Variants in GNG4 observed in about 807,000 individuals in gnomAD.
GNG4 encodes the protein guanine nucleotide-binding protein G(I)/G(S)/G(O) subunit gamma-4.
A neutral mutation model predicts 5.8 loss-of-function variants in GNG4; 4 were observed. That is an observed-to-expected ratio of 0.69 (90% confidence interval 0.34 to 1.57). The LOEUF is 1.57. Ranked by LOEUF, GNG4 falls within the 40% of genes most tolerant of loss-of-function variation. The pLI is 0.06. For missense variants in GNG4, 96 were observed against 95.1 expected (o/e 1.01, Z -0.04); for synonymous variants, 29 against 32.9 (o/e 0.88, Z 0.41).
chr1:235,603,764 C>A (rs1299216694), intron 1 of GNG4, among the ~76,000 whole-genome samples: 1 of 152,204 alleles, frequency 6.6e-6, no homozygotes, highest in East Asian at 1.9e-4. Flanking sequence ...ACTTGAGAGA[C>A]AACCACAGTT....
chr1:235,594,145 G>T (rs1688065359), intron 2 of GNG4, among the ~76,000 whole-genome samples: 1 of 152,142 alleles, frequency 6.6e-6, no homozygotes. Flanking sequence ...TAGATACAGA[G>T]TGTCCACACA....
At position 235,609,212 on chromosome 1, in the gene GNG4, T is replaced by C. The variant is rs548496358; in HGVS notation, c.-122-13701A>G. On this transcript the variant is annotated intron_variant, in intron 1 of 3. Transcript: ENST00000391854. ...TCAGTATTTCATTCCCTTTTATGGC[T>C]GAAGAGTATTCCATGATGCAGGTGC... 7.9e-5 allele frequency among the ~76,000 whole-genome samples: 12 copies of C among 152,310 alleles called. No homozygotes were observed. In the South Asian group the frequency reaches 2.5e-3, roughly 32 times the overall value.
intron 3 of GNG4, among the ~76,000 whole-genome samples, chr1:235,577,664 C>T (rs1687520924): frequency 9.3e-6 from 1 of 108,056 alleles, no homozygotes; most frequent in Non-Finnish European, 1.9e-5. Flanking sequence ...TGGTCTCAAA[C>T]TCCTGAACTC....
intron 2 of GNG4, among the ~76,000 whole-genome samples, chr1:235,590,529 T>C (rs1329046491): frequency 6.6e-6 from 1 of 152,078 alleles, no homozygotes; most frequent in Non-Finnish European, 1.5e-5. Flanking sequence ...GAGATTCTAA[T>C]GTAAGGATGA....
intron 3 of GNG4, among the ~76,000 whole-genome samples, chr1:235,583,102 T>A (rs1687677733): frequency 6.6e-6 from 1 of 152,060 alleles, no homozygotes; most frequent in Non-Finnish European, 1.5e-5. Context: ...AGAGTTGGGG[T>A]TCCTTTCAAC....
chr1:235,622,363 T>G (rs1688727578), intron 1 of GNG4, among the ~76,000 whole-genome samples: 2 of 152,188 alleles, frequency 1.3e-5, no homozygotes, highest in African/African-American at 4.8e-5. Flanking sequence ...TTACTTTGGT[T>G]CTGTCCTAAG....
At chr1:235,575,176 TAC>T (rs1360274759) in intron 3 of GNG4, among the ~76,000 whole-genome samples, 1 of 152,160 alleles carries the variant, frequency 6.6e-6, no homozygotes, top group Non-Finnish European at 1.5e-5. Flanking sequence ...GCACTCTAAA[TAC>T]AGAGGGTCCC....
rs568378711 is a variant in GNG4, at chr1:235,582,494, C to T, written c.99+1246G>A. 2.0e-5 allele frequency among the ~76,000 whole-genome samples: 3 copies of T among 152,336 alleles called. No individual in the cohort carries two copies. The South Asian group carries it at 6.2e-4, about 32-fold the overall frequency. On this transcript the variant is annotated intron_variant, in intron 3 of 3. Coordinates refer to ENST00000391854, the MANE Select transcript of GNG4 (RefSeq NM_001098722.2). ...TCGCCTTCACATTTCTCTCCCAGGA[C>T]CCTTCAAGTATAGATTAGGTGCTCA...
chr1:235,553,572 C>T (rs1408395313), intron 3 of GNG4, among the ~76,000 whole-genome samples: 1 of 152,192 alleles, frequency 6.6e-6, no homozygotes, highest in Non-Finnish European at 1.5e-5. Context: ...CAGCATTTTA[C>T]AGAGATTCTT....
chr1:235,645,168 C>T, intron 1 of GNG4, among the ~76,000 whole-genome samples: 1 of 152,160 alleles, frequency 6.6e-6, no homozygotes, highest in East Asian at 1.9e-4. Flanking sequence ...GGGGCATGAC[C>T]ACCCCATCTG....
intron 3 of GNG4, among the ~76,000 whole-genome samples, chr1:235,570,896 A>ATG (rs201379503): frequency 4.7e-5 from 6 of 127,708 alleles, no homozygotes; most frequent in African/African-American, 9.3e-5. Flanking sequence ...GTATGTATAT[A>ATG]TGTGTGTGTG....
At chr1:235,571,466 T>C (rs1406912550) in intron 3 of GNG4, among the ~76,000 whole-genome samples, 5 of 152,218 alleles carry the variant, frequency 3.3e-5, no homozygotes, top group Non-Finnish European at 7.3e-5. Flanking sequence ...ACAACGCGTA[T>C]TAAGCACTCA....
intron 3 of GNG4, among the ~76,000 whole-genome samples, chr1:235,579,341 T>C (rs1165829091): frequency 6.6e-6 from 1 of 151,194 alleles, no homozygotes; most frequent in African/African-American, 2.4e-5. Flanking sequence ...ATATACACCA[T>C]CCCCCTCAGT....
chr1:235,563,900 C>T (rs1177032206), intron 3 of GNG4, among the ~76,000 whole-genome samples: 1 of 152,168 alleles, frequency 6.6e-6, no homozygotes, highest in Non-Finnish European at 1.5e-5. Flanking sequence ...GACTGTTCTG[C>T]AGTGTGGTTT....
In GNG4 at chr1:235,552,028, C is replaced by T. The variant is rs532020276; in HGVS notation, c.*81G>A. On this transcript the variant is annotated 3_prime_UTR_variant, in exon 4 of 4. Coordinates refer to ENST00000391854, the MANE Select transcript of GNG4 (RefSeq NM_001098722.2). Reference sequence around the variant, plus strand: ...TGGGCAGGGATGGGTGTTGGTCTCACTCCCTAAGGCTTAGAGCATGCATGG... The same window carrying T: ...TGGGCAGGGATGGGTGTTGGTCTCATTCCCTAAGGCTTAGAGCATGCATGG... 2.9e-5 allele frequency: 38 copies of T among 1,304,414 alleles called. No homozygotes were observed. In the Admixed American group the frequency reaches 4.9e-4, roughly 17 times the overall value. 80.8% of individuals were successfully genotyped at this position (1,304,414 alleles called of 1,614,324 possible).
chr1:235,598,138 T>C (rs774588754), intron 1 of GNG4, among the ~76,000 whole-genome samples: 1 of 152,128 alleles, frequency 6.6e-6, no homozygotes, highest in African/African-American at 2.4e-5. Context: ...TCCCCAAATT[T>C]GGTTGGGATC....
intron 1 of GNG4, among the ~76,000 whole-genome samples, chr1:235,604,895 C>A (rs1223641975): frequency 6.6e-6 from 1 of 152,116 alleles, no homozygotes; most frequent in Non-Finnish European, 1.5e-5. Context: ...ACAAGAAACG[C>A]CTCTCTGACA....
intron 1 of GNG4, among the ~76,000 whole-genome samples, chr1:235,610,321 C>A: frequency 6.6e-6 from 1 of 152,146 alleles, no homozygotes. Context: ...ATCCAGTAGC[C>A]CAAGATGTCA....
intron 3 of GNG4, chr1:235,565,816 C>G (rs1267992165): frequency 3.3e-5 from 5 of 152,206 alleles, no homozygotes; most frequent in African/African-American, 1.2e-4. Context: ...ACTGCCCAGT[C>G]GTTCCTATGG....
Sources: gnomAD v4.1 joint callset for allele counts (sites outside exome capture counted in the v4.1 genomes callset) on GRCh38, gnomAD v4.1.1 for gene constraint, MANE v1.5 for transcripts, NCBI Gene and HGNC (gene_info 2026-07-23, HGNC 2026-07-21) for gene names.